C12orf42: variants seen among roughly 807,000 people sequenced by gnomAD.
The protein encoded by C12orf42 is chromosome 12 open reading frame 42, also known as uncharacterized protein C12orf42.
C12orf42 carries 25 observed loss-of-function variants against 21.6 expected under a neutral mutation model. The ratio of observed to expected loss-of-function variants is 1.16; its 90% confidence interval spans 0.84 to 1.62. The LOEUF is 1.62. Ranked by LOEUF, C12orf42 falls within the 40% of genes most tolerant of loss-of-function variation. The probability of loss-of-function intolerance (pLI) is 0.00; values close to 1 mark genes in which losing one functional copy is unlikely to be tolerated. For synonymous variants in C12orf42, 174 were observed against 175.0 expected (o/e 0.99, Z 0.05); for missense variants, 483 against 459.3 (o/e 1.05, Z -0.47).
chr12:103,413,104 A>T (rs1031612282), intron 2 of C12orf42, among the ~76,000 whole-genome samples: 1 of 152,204 alleles, frequency 6.6e-6, no homozygotes, highest in Non-Finnish European at 1.5e-5. Flanking sequence ...TTACATTTAA[A>T]TCTTTGATCC....
the C12orf42 span, among the ~76,000 whole-genome samples, chr12:103,521,926 A>G: frequency 6.6e-6 from 1 of 152,240 alleles, no homozygotes; most frequent in Non-Finnish European, 1.5e-5. Flanking sequence ...TTAACAGCAC[A>G]GAGTGGTGCT....
the C12orf42 span, among the ~76,000 whole-genome samples, chr12:103,214,795 A>G: frequency 1.4e-4 from 21 of 152,270 alleles, no homozygotes; most frequent in African/African-American, 4.6e-4. Flanking sequence ...TTTCTGTTGC[A>G]TCTTTCCAAG....
At chr12:103,123,778 TAAC>T in the C12orf42 span, among the ~76,000 whole-genome samples, 2 of 151,728 alleles carry the variant, frequency 1.3e-5, no homozygotes, top group Non-Finnish European at 2.9e-5. Context: ...TTAAATATAT[TAAC>T]ATATATTATT....
intron 4 of C12orf42, among the ~76,000 whole-genome samples, chr12:103,315,094 T>C (rs2039330706): frequency 6.6e-6 from 1 of 152,160 alleles, no homozygotes; most frequent in East Asian, 1.9e-4. Context: ...CAACCCGACA[T>C]CTAGCCAGAT....
intron 2 of C12orf42, among the ~76,000 whole-genome samples, chr12:103,466,933 T>C (rs1187074666): frequency 6.6e-6 from 1 of 152,140 alleles, no homozygotes; most frequent in African/African-American, 2.4e-5. Flanking sequence ...AGTCACCCAG[T>C]CTTCCCAGAC....
the C12orf42 span, among the ~76,000 whole-genome samples, chr12:103,049,337 C>G: frequency 6.6e-6 from 1 of 152,112 alleles, no homozygotes; most frequent in Admixed American, 6.5e-5. Context: ...TCCTCTTAAA[C>G]GCCACTGCTG....
chr12:103,170,971 T>C, the C12orf42 span, among the ~76,000 whole-genome samples: 1 of 152,146 alleles, frequency 6.6e-6, no homozygotes, highest in African/African-American at 2.4e-5. Context: ...ATTTATCTTT[T>C]TACCCTATAC....
chr12:103,373,607 A>C (rs1414888297), intron 3 of C12orf42, among the ~76,000 whole-genome samples: 3 of 152,230 alleles, frequency 2.0e-5, no homozygotes, highest in Admixed American at 2.0e-4. Flanking sequence ...TAATTAGAGG[A>C]CAAGGAAAGA....
At chr12:103,298,103 A>G, downstream of C12orf42, among the ~76,000 whole-genome samples, 1 of 151,928 alleles carries the variant, frequency 6.6e-6, no homozygotes, top group East Asian at 1.9e-4. Flanking sequence ...AGTTCTGGCC[A>G]GGGCAATCAG....
At chr12:103,551,175 T>C in the C12orf42 span, among the ~76,000 whole-genome samples, 1 of 152,146 alleles carries the variant, frequency 6.6e-6, no homozygotes, top group Non-Finnish European at 1.5e-5. Context: ...CTTCTTTTTC[T>C]TTCTTGATCA....
At chr12:103,160,136 G>C in the C12orf42 span, among the ~76,000 whole-genome samples, 1 of 152,010 alleles carries the variant, frequency 6.6e-6, no homozygotes, top group Non-Finnish European at 1.5e-5. Flanking sequence ...AATTCTGTGA[G>C]AAAAAAAGTC....
At chr12:103,311,770 A>G (rs1259119076) in intron 4 of C12orf42, among the ~76,000 whole-genome samples, 1 of 152,168 alleles carries the variant, frequency 6.6e-6, no homozygotes, top group Non-Finnish European at 1.5e-5. Flanking sequence ...ACAATACCTG[A>G]CATGCTTTTA....
At chr12:103,416,298 T>C (rs540307225) in intron 2 of C12orf42, among the ~76,000 whole-genome samples, 42 of 152,058 alleles carry the variant, frequency 2.8e-4, no homozygotes, top group African/African-American at 1.0e-3. Context: ...TCGCAAAATC[T>C]GAGAGAACAT....
chr12:103,529,747 T>C, the C12orf42 span, among the ~76,000 whole-genome samples: 2 of 152,214 alleles, frequency 1.3e-5, no homozygotes, highest in African/African-American at 2.4e-5. Context: ...CAACATCTGA[T>C]TCCTTTTATG....
intron 4 of C12orf42, among the ~76,000 whole-genome samples, chr12:103,287,000 T>C (rs941015184): frequency 6.7e-6 from 1 of 149,310 alleles, no homozygotes; most frequent in African/African-American, 2.5e-5. Context: ...AAAACCACAA[T>C]GAGATACCAT....
chr12:103,429,961 A>G (rs1950142098), intron 2 of C12orf42, among the ~76,000 whole-genome samples: 1 of 152,214 alleles, frequency 6.6e-6, no homozygotes, highest in Non-Finnish European at 1.5e-5. Context: ...CGTTATACAA[A>G]AATTAACTCA....
At chr12:103,220,417 G>C in the C12orf42 span, among the ~76,000 whole-genome samples, 1 of 152,030 alleles carries the variant, frequency 6.6e-6, no homozygotes, top group African/African-American at 2.4e-5. Flanking sequence ...AGATAGAAAA[G>C]GGAGAAAGAC....
chr12:103,318,163 C>T (rs755086754), intron 4 of C12orf42, among the ~76,000 whole-genome samples: 8 of 152,080 alleles, frequency 5.3e-5, no homozygotes, highest in Non-Finnish European at 8.8e-5. Context: ...GTGGCATGTG[C>T]CTGTAGTCTT....
the C12orf42 span, among the ~76,000 whole-genome samples, chr12:103,101,740 T>C: frequency 1.3e-5 from 2 of 152,208 alleles, no homozygotes; most frequent in African/African-American, 4.8e-5. Flanking sequence ...AAACAATAAC[T>C]ACTAATTTAG....
Sources: gnomAD v4.1 joint callset for allele counts (sites outside exome capture counted in the v4.1 genomes callset) on GRCh38, gnomAD v4.1.1 for gene constraint, MANE v1.5 for transcripts, NCBI Gene and HGNC (gene_info 2026-07-23, HGNC 2026-07-21) for gene names.